Variants in OSBPL10 observed in about 807,000 individuals in gnomAD.
The protein encoded by OSBPL10 is oxysterol binding protein like 10, also known as oxysterol-binding protein-related protein 10.
A neutral mutation model predicts 81.7 loss-of-function variants in OSBPL10; 49 were observed. That is an observed-to-expected ratio of 0.60 (90% CI 0.48 to 0.76). The LOEUF is 0.76. Ranked by LOEUF, OSBPL10 falls within the 30% of genes least tolerant of loss-of-function variation. The probability of loss-of-function intolerance (pLI) is 0.00; values close to 1 mark genes in which losing one functional copy is unlikely to be tolerated. For synonymous variants in OSBPL10, 419 were observed against 383.6 expected (o/e 1.09, Z -1.08); for missense variants, 923 against 987.8 (o/e 0.93, Z 0.88).
At chr3:31,923,827 T>C (rs1316466942) in intron 1 of OSBPL10, among the ~76,000 whole-genome samples, 1 of 152,156 alleles carries the variant, frequency 6.6e-6, no homozygotes, top group Non-Finnish European at 1.5e-5. Flanking sequence ...AAGACCAGTA[T>C]GATCTACTTG....
At chr3:31,663,835 A>T in intron 11 of OSBPL10, 1 of 1,406,902 alleles carries the variant, frequency 7.1e-7, no homozygotes, top group Non-Finnish European at 9.2e-7. Context: ...TTTCTGACAT[A>T]GGGATACTGG....
At chr3:31,983,743 T>G (rs183032166), upstream of OSBPL10, among the ~76,000 whole-genome samples, 1 of 152,300 alleles carries the variant, frequency 6.6e-6, no homozygotes, top group Non-Finnish European at 1.5e-5. Flanking sequence ...TGACCTACCG[T>G]AGTATAGCAA....
At chr3:31,824,232 G>A (rs530171618) in intron 4 of OSBPL10, among the ~76,000 whole-genome samples, 5 of 152,202 alleles carry the variant, frequency 3.3e-5, no homozygotes, top group Admixed American at 2.0e-4. Flanking sequence ...AGTGTTGACA[G>A]CTTGAACATA....
chr3:31,822,707 C>T lies in OSBPL10; in HGVS notation c.729+7333G>A, dbSNP rs1327097372. On this transcript the variant is annotated intron_variant, in intron 4 of 11. Transcript: ENST00000396556. ...GGAGAATCACTTGAGGCCAGGAGTT[C>T]GACACCAGCCTGCACAACATAGCAA... is the stretch of plus-strand genomic sequence containing the variant. Among the ~76,000 whole-genome samples the T allele has an allele frequency of 1.3e-4, 19 of 151,792 alleles. No homozygotes were observed. In the South Asian group the frequency reaches 3.3e-3, roughly 27 times the overall value.
intron 6 of OSBPL10, chr3:31,709,494 G>A (rs929584643): frequency 6.6e-6 from 1 of 152,056 alleles, no homozygotes; most frequent in Non-Finnish European, 1.5e-5. Context: ...ACATTCGAGG[G>A]AAGCATTCAC....
chr3:32,014,934 G>A (rs1028253343), intron 2 of OSBPL10, among the ~76,000 whole-genome samples: 10 of 152,104 alleles, frequency 6.6e-5, no homozygotes, highest in Non-Finnish European at 1.5e-4. Context: ...CACTGCTCAA[G>A]GAAATAAAAG....
chr3:31,910,753 C>T (rs1456427669), intron 1 of OSBPL10, among the ~76,000 whole-genome samples: 2 of 152,112 alleles, frequency 1.3e-5, no homozygotes, highest in African/African-American at 4.8e-5. Context: ...ACTGACATAC[C>T]CTCAAGCTTC....
chr3:31,888,484 G>A (rs1320359650), intron 1 of OSBPL10, among the ~76,000 whole-genome samples: 1 of 152,156 alleles, frequency 6.6e-6, no homozygotes, highest in Admixed American at 6.5e-5. Flanking sequence ...ATCACATCAA[G>A]CTATAAAAGC....
rs558035479 is a variant in OSBPL10, at chr3:31,740,036, T to C, written c.941-6625A>G. The stretch of plus-strand genomic sequence containing the variant: ...CTGGTCCCAGCTCCAGAATTGGCTA[T>C]GAATAATACTTTTTTTTTTTTTTTT... On this transcript the variant is annotated intron_variant, in intron 5 of 11. Transcript: ENST00000396556. Among the ~76,000 whole-genome samples the C allele has an allele frequency of 1.4e-4, 20 of 145,642 alleles. No homozygotes were observed. In the South Asian group the frequency reaches 2.0e-3, roughly 14 times the overall value.
At chr3:31,829,396 C>T (rs961992194) in intron 4 of OSBPL10, among the ~76,000 whole-genome samples, 2 of 152,198 alleles carry the variant, frequency 1.3e-5, no homozygotes, top group Admixed American at 6.5e-5. Context: ...AACATAACCT[C>T]GCCTCACTTT....
At chr3:31,739,116 T>TCACATAG (rs754450077) in intron 5 of OSBPL10, among the ~76,000 whole-genome samples, 32 of 152,024 alleles carry the variant, frequency 2.1e-4, no homozygotes, top group Non-Finnish European at 3.8e-4. Context: ...ATAGTGCTAT[T>TCACATAG]CACAGGTGTG....
chr3:31,751,457 C>T (rs1395219505), intron 4 of OSBPL10, among the ~76,000 whole-genome samples: 4 of 152,096 alleles, frequency 2.6e-5, no homozygotes, highest in Admixed American at 6.5e-5. Context: ...CCAATAGCAA[C>T]GGCAGGTAGC....
In OSBPL10 at chr3:31,872,452, GTT is replaced by G. The variant is rs5847722; in HGVS notation, c.537+3979_537+3980del. Among the ~76,000 whole-genome samples, 472 of 136,924 alleles carry G rather than the reference GTT, an allele frequency of 3.4e-3. 6 individuals are homozygous for G. The highest frequency in any genetic ancestry group is 0.016 in the Middle Eastern group (4 of 256). The allele number at this position is 136,924 out of a possible 152,430, so 89.8% of individuals were successfully genotyped here. On this transcript the variant is annotated intron_variant, in intron 3 of 11. Transcript: ENST00000396556. ...CAATACGTGTTTTGTTTTTGTTGTT[GTT>G]TTTTTTTTTTTTTTAAGTCTGGGAA...
At chr3:31,892,009 G>A (rs867635962) in intron 1 of OSBPL10, among the ~76,000 whole-genome samples, 25 of 152,236 alleles carry the variant, frequency 1.6e-4, no homozygotes, top group Non-Finnish European at 3.1e-4. Context: ...GGGAAGCAGA[G>A]AATAAAATAT....
Position 31,733,399 on chromosome 3 carries a change from C to A in OSBPL10, c.953G>T (p.Gly318Val), listed in dbSNP as rs756460016. The A allele has an allele frequency of 3.7e-6, 6 of 1,614,104 alleles. No homozygotes were observed. The East Asian group carries it at 1.3e-4, about 36-fold the overall frequency. ...QKPGASENIL[G>V]WHGSKSHSTE... is the part of the protein sequence containing the mutation. ...GGAATGTGACTTGGACCCGTGCCAT[C>A]CCAGGATGTTTTCTGAAATAAAGAC... is the stretch of plus-strand genomic sequence containing the variant. Residue 318 changes from glycine (G) to valine (V), a missense_variant, in exon 6 of 12, where the codon GGA becomes GTA. By Grantham distance (109) the Gly-to-Val change is moderately radical. Around this residue, in one of 3 missense-constraint regions of OSBPL10, gnomAD observed 514 missense variants for 508.0 expected, o/e 1.01. Transcript: ENST00000396556.
chr3:31,837,164 T>C (rs1223638494), intron 3 of OSBPL10, among the ~76,000 whole-genome samples: 1 of 151,992 alleles, frequency 6.6e-6, no homozygotes, highest in Admixed American at 6.6e-5. Context: ...CACTTTAAAA[T>C]AGTTGATAGA....
intron 1 of OSBPL10, among the ~76,000 whole-genome samples, chr3:31,881,081 G>A (rs543103048): frequency 2.0e-5 from 3 of 152,302 alleles, no homozygotes; most frequent in East Asian, 1.9e-4. Context: ...TCCTGACCGG[G>A]TCAAATATTC....
chr3:31,942,393 T>G (rs1697562128), intron 1 of OSBPL10, among the ~76,000 whole-genome samples: 1 of 100,656 alleles, frequency 9.9e-6, no homozygotes, highest in South Asian at 3.0e-4. Flanking sequence ...AATACAAAAA[T>G]TAGCTGGGTG....
intron 2 of OSBPL10, among the ~76,000 whole-genome samples, chr3:32,002,192 G>T (rs1336126206): frequency 1.3e-5 from 2 of 152,068 alleles, no homozygotes; most frequent in African/African-American, 4.8e-5. Flanking sequence ...AACAGAAATT[G>T]CTTCTCTCTT....
Sources: allele counts gnomAD v4.1 joint callset (sites outside exome capture counted in the v4.1 genomes callset), GRCh38; gene constraint gnomAD v4.1.1; regional missense constraint gnomAD v4.1.1; transcripts MANE v1.5; gene names NCBI Gene and HGNC (gene_info 2026-07-23, HGNC 2026-07-21).